Variants in INTS7 observed in about 807,000 individuals in gnomAD.
INTS7 encodes the protein chromosome 1 open reading frame 73.
INTS7 carries 46 observed loss-of-function variants against 109.2 expected under a neutral mutation model. The ratio of observed to expected loss-of-function variants is 0.42; its 90% CI spans 0.33 to 0.54. The LOEUF is 0.54. INTS7 is among the 20% of genes least tolerant of loss of function. The pLI, the probability that INTS7 is intolerant of heterozygous loss-of-function variation, is 0.07. For missense variants in INTS7, 929 were observed against 1,132.4 expected, an observed-to-expected ratio of 0.82 and a Z score of 2.58; for synonymous variants, 412 against 402.9, an observed-to-expected ratio of 1.02 and a Z score of -0.27.
In INTS7 at chr1:211,959,690, C is replaced by A. The variant is rs1403181483; in HGVS notation, c.2183+6740G>T. On this transcript the variant is annotated intron_variant, in intron 16 of 19. Transcript: ENST00000366994. The surrounding 1 kb of genome is among the most constrained non-coding windows in gnomAD (Gnocchi z 4.2). ...ATTTGGAGCTCCTGTGTCAACATTG[C>A]CCTGGGAGTGAAACCAGGCGTGAAC... 2.2e-5 allele frequency among the ~76,000 whole-genome samples: 3 copies of A among 139,490 alleles called. No individual in the cohort carries two copies. In the East Asian group the frequency reaches 5.8e-4, roughly 27 times the overall value. 91.5% of individuals were successfully genotyped at this position (139,490 alleles called of 152,430 possible).
At chr1:212,024,974 G>A (rs1666856304) in intron 1 of INTS7, among the ~76,000 whole-genome samples, 1 of 152,162 alleles carries the variant, frequency 6.6e-6, no homozygotes, top group Non-Finnish European at 1.5e-5. Context: ...CATCCTAAAT[G>A]CGCAACTAGA....
intron 4 of INTS7, among the ~76,000 whole-genome samples, chr1:212,012,271 G>A (rs1045364102): frequency 6.6e-6 from 1 of 152,104 alleles, no homozygotes; most frequent in Non-Finnish European, 1.5e-5. Flanking sequence ...AGATTGGGGG[G>A]GGAGGGGGCG....
chr1:212,012,395 G>A (rs887588821), intron 4 of INTS7, among the ~76,000 whole-genome samples: 8 of 152,124 alleles, frequency 5.3e-5, no homozygotes, highest in South Asian at 2.1e-4. Context: ...CAGTACTGAC[G>A]AAGATATGTG....
chr1:212,035,268 C>T (rs192217640), intron 1 of INTS7, 76 bp downstream of exon 1: 69 of 1,017,374 alleles, frequency 6.8e-5, no homozygotes, highest in Admixed American at 5.1e-4. Context: ...TCCGTCTTCT[C>T]CCAAAGCAAC....
At chr1:211,989,836 A>AG (rs1665070941) in intron 7 of INTS7, among the ~76,000 whole-genome samples, 1 of 152,044 alleles carries the variant, frequency 6.6e-6, no homozygotes, top group African/African-American at 2.4e-5. Context: ...AAAAAAAAAA[A>AG]AAGTTCTTAC....
intron 8 of INTS7, 138 bp downstream of exon 8, chr1:211,987,748 A>G (rs1664956856): frequency 4.4e-6 from 2 of 452,794 alleles, no homozygotes; most frequent in Non-Finnish European, 3.9e-6. Flanking sequence ...ATCATGTTCA[A>G]ATAAATCACT....
At chr1:211,949,817 ATCTC>A (rs1172269159) in intron 17 of INTS7, among the ~76,000 whole-genome samples, 1 of 152,164 alleles carries the variant, frequency 6.6e-6, no homozygotes, top group Non-Finnish European at 1.5e-5. Context: ...CTCTGATTTC[ATCTC>A]TCTAATCCCT....
At chr1:211,976,015 G>A (rs1242819459) in intron 12 of INTS7, among the ~76,000 whole-genome samples, 8 of 151,888 alleles carry the variant, frequency 5.3e-5, no homozygotes, top group Admixed American at 2.0e-4. Flanking sequence ...AGCCAGGCTG[G>A]TCTCAAACTC....
At chr1:212,027,250 G>A (rs1033266666) in intron 1 of INTS7, among the ~76,000 whole-genome samples, 3 of 152,166 alleles carry the variant, frequency 2.0e-5, no homozygotes, top group African/African-American at 7.2e-5. Context: ...TACTCATCTT[G>A]CTTGCTCTAG....
chr1:212,002,314 T>C (rs1486643709), intron 7 of INTS7, among the ~76,000 whole-genome samples: 1 of 152,258 alleles, frequency 6.6e-6, no homozygotes, highest in African/African-American at 2.4e-5. Context: ...TTCTCCCGGC[T>C]TCTGCCTTTG....
At chr1:212,011,294 A>G in intron 5 of INTS7, 81 bp downstream of exon 5, 1 of 729,752 alleles carries the variant, frequency 1.4e-6, no homozygotes, top group Non-Finnish European at 2.3e-6. Flanking sequence ...GTGACTAGCA[A>G]ATAATAAGTA....
intron 5 of INTS7, 56 bp from the exon 6 acceptor site, chr1:212,007,505 C>A: frequency 7.1e-7 from 1 of 1,400,664 alleles, no homozygotes; most frequent in South Asian, 1.2e-5. Flanking sequence ...AATAATATTC[C>A]AGATTTAAAA....
At chr1:211,984,566 C>T (rs1664811050) in intron 8 of INTS7, among the ~76,000 whole-genome samples, 1 of 151,954 alleles carries the variant, frequency 6.6e-6, no homozygotes, top group South Asian at 2.1e-4. Flanking sequence ...GAGCCTTTTC[C>T]TATGTTTTCT....
At chr1:212,022,759 A>T (rs1429368446) in intron 1 of INTS7, among the ~76,000 whole-genome samples, 2 of 152,010 alleles carry the variant, frequency 1.3e-5, no homozygotes, top group Non-Finnish European at 2.9e-5. Flanking sequence ...TTTTTCTTTT[A>T]TTTTAGATTC....
At chr1:211,972,769 G>C (rs1213689778) in intron 13 of INTS7, among the ~76,000 whole-genome samples, 1 of 152,128 alleles carries the variant, frequency 6.6e-6, no homozygotes, top group African/African-American at 2.4e-5. Context: ...TCTCTTGCTG[G>C]TCTGGAAGAA....
At chr1:212,032,534 T>C (rs970897409) in intron 1 of INTS7, among the ~76,000 whole-genome samples, 1 of 151,718 alleles carries the variant, frequency 6.6e-6, no homozygotes, top group African/African-American at 2.4e-5. Flanking sequence ...TGGAGTGCAG[T>C]GGTGTGATCT....
At chr1:212,003,263 G>T (rs747193562) in intron 7 of INTS7, among the ~76,000 whole-genome samples, 5 of 135,974 alleles carry the variant, frequency 3.7e-5, no homozygotes, top group Admixed American at 3.0e-4. Flanking sequence ...ACATTTCATA[G>T]TGAAACTACA....
chr1:212,019,877 A>G (rs184545690), intron 3 of INTS7, among the ~76,000 whole-genome samples: 3 of 152,338 alleles, frequency 2.0e-5, no homozygotes, highest in Admixed American at 2.0e-4. Context: ...CAGAACACCT[A>G]TCTACATAGA....
intron 1 of INTS7, among the ~76,000 whole-genome samples, chr1:212,028,981 G>A (rs1667043339): frequency 6.6e-6 from 1 of 152,198 alleles, no homozygotes; most frequent in Non-Finnish European, 1.5e-5. Flanking sequence ...TCTCTAGCAA[G>A]CAACTAGAAA....
Sources: gnomAD v4.1 joint callset for allele counts (sites outside exome capture counted in the v4.1 genomes callset) on GRCh38, gnomAD v4.1.1 for gene constraint, Gnocchi (gnomAD v3.1) non-coding constraint, MANE v1.5 for transcripts, NCBI Gene and HGNC (gene_info 2026-07-23, HGNC 2026-07-21) for gene names.